The following RNLS variants were observed in gnomAD, a reference collection of about 807,000 sequenced individuals.
RNLS encodes the protein renalase, FAD dependent amine oxidase, also known as renalase.
RNLS carries 39 observed loss-of-function variants against 39.8 expected under a neutral mutation model. The ratio of observed to expected loss-of-function variants is 0.98; its 90% CI spans 0.76 to 1.28. The LOEUF (loss-of-function observed/expected upper bound fraction) is 1.28. RNLS is among the 50% of genes most tolerant of loss of function. The pLI, the probability that RNLS is intolerant of heterozygous loss-of-function variation, is 0.00. For synonymous variants in RNLS, 147 were observed against 150.7 expected (o/e 0.98, Z 0.18); for missense variants, 410 against 413.3 (o/e 0.99, Z 0.07).
At chr10:88,215,824 C>T in the RNLS span, among the ~76,000 whole-genome samples, 2 of 151,560 alleles carry the variant, frequency 1.3e-5, no homozygotes, top group Admixed American at 1.3e-4. Context: ...CTCAGCCTCC[C>T]GAGTAGCTGG....
chr10:88,460,640 C>A (rs921306176), intron 4 of RNLS, among the ~76,000 whole-genome samples: 3 of 152,142 alleles, frequency 2.0e-5, no homozygotes, highest in Admixed American at 6.6e-5. Flanking sequence ...TACTACAGTG[C>A]CTGGCATATA....
chr10:88,522,927 T>C (rs1846845978), intron 4 of RNLS, among the ~76,000 whole-genome samples: 1 of 152,128 alleles, frequency 6.6e-6, no homozygotes, highest in African/African-American at 2.4e-5. Flanking sequence ...CCACTGGTTT[T>C]TCCCCAAAGA....
chr10:88,511,441 C>A (rs1846119003), intron 4 of RNLS, among the ~76,000 whole-genome samples: 1 of 152,044 alleles, frequency 6.6e-6, no homozygotes, highest in South Asian at 2.1e-4. Flanking sequence ...TGTATAAGTT[C>A]AGTATGGTGC....
the RNLS span, among the ~76,000 whole-genome samples, chr10:88,171,580 A>G: frequency 2.4e-4 from 37 of 152,370 alleles, no homozygotes; most frequent in African/African-American, 8.4e-4. Flanking sequence ...TAGTTGACAC[A>G]TAATCATTGT....
intron 4 of RNLS, among the ~76,000 whole-genome samples, chr10:88,511,876 T>C (rs1846140495): frequency 6.6e-6 from 1 of 152,224 alleles, no homozygotes; most frequent in Non-Finnish European, 1.5e-5. Context: ...CTATTTTTTA[T>C]TGGCCATTAA....
chr10:88,405,319 A>G (rs1444054394), intron 4 of RNLS, among the ~76,000 whole-genome samples: 1 of 152,028 alleles, frequency 6.6e-6, no homozygotes, highest in Non-Finnish European at 1.5e-5. Flanking sequence ...CTGAACTATC[A>G]TAATTATCAA....
chr10:88,502,104 A>G lies in RNLS; in HGVS notation c.526+70799T>C, dbSNP rs936001795. Reference sequence around the variant, plus strand: ...AAATCCATACAAGATATATCAAATTAGGGTCCATCTATCACTGAAATCAGA... The same window carrying G: ...AAATCCATACAAGATATATCAAATTGGGGTCCATCTATCACTGAAATCAGA... On this transcript the variant is annotated intron_variant, in intron 4 of 6. Transcript: ENST00000331772. 3.3e-5 allele frequency among the ~76,000 whole-genome samples: 5 copies of G among 152,122 alleles called. No individual in the cohort carries two copies. In the East Asian group the frequency reaches 9.6e-4, roughly 29 times the overall value.
At chr10:88,283,027 G>A (rs1353558682), downstream of RNLS, among the ~76,000 whole-genome samples, 2 of 152,118 alleles carry the variant, frequency 1.3e-5, no homozygotes, top group Non-Finnish European at 2.9e-5. Context: ...GTGGCCCCGT[G>A]GGGCTAACAT....
At chr10:88,478,502 T>C (rs576844635) in intron 4 of RNLS, among the ~76,000 whole-genome samples, 12 of 152,152 alleles carry the variant, frequency 7.9e-5, no homozygotes, top group Non-Finnish European at 1.5e-4. Context: ...ACTCTGTTAT[T>C]AAAGATCCCT....
intron 5 of RNLS, among the ~76,000 whole-genome samples, chr10:88,319,131 T>C (rs1346487458): frequency 2.0e-5 from 3 of 151,958 alleles, no homozygotes; most frequent in African/African-American, 7.3e-5. Flanking sequence ...ACAAGCAGCA[T>C]CCGAGAAAGC....
At chr10:88,566,088 A>C (rs1849487084) in intron 4 of RNLS, among the ~76,000 whole-genome samples, 1 of 152,074 alleles carries the variant, frequency 6.6e-6, no homozygotes, top group Non-Finnish European at 1.5e-5. Flanking sequence ...TCTTATTTTT[A>C]AAGTTATGAT....
downstream of RNLS, among the ~76,000 whole-genome samples, chr10:88,279,716 C>T (rs1376879063): frequency 6.6e-6 from 1 of 152,174 alleles, no homozygotes; most frequent in Non-Finnish European, 1.5e-5. Flanking sequence ...GCATTCAGCA[C>T]ATATGGTTGC....
chr10:88,583,005 G>A, intron 1 of RNLS, 68 bp downstream of exon 1: 1 of 1,551,158 alleles, frequency 6.4e-7, no homozygotes, highest in South Asian at 1.2e-5. Flanking sequence ...TTGGGTGCAG[G>A]CCCACACCAC....
At chr10:88,316,034 G>T (rs1372666376) in intron 5 of RNLS, among the ~76,000 whole-genome samples, 1 of 152,114 alleles carries the variant, frequency 6.6e-6, no homozygotes, top group African/African-American at 2.4e-5. Context: ...AGGAACCCTG[G>T]TTTATGAATT....
At chr10:88,363,687 T>A (rs12219831) in intron 4 of RNLS, among the ~76,000 whole-genome samples, 16,032 of 152,128 alleles carry the variant, frequency 0.11, 1,048 homozygotes, top group East Asian at 0.36. Context: ...CTGTGTCAAC[T>A]TCTTCACAAA....
At chr10:88,565,714 A>G (rs943126097) in intron 4 of RNLS, among the ~76,000 whole-genome samples, 2 of 151,054 alleles carry the variant, frequency 1.3e-5, no homozygotes, top group African/African-American at 4.9e-5. Flanking sequence ...TCAGCATGAT[A>G]CATTTTTTTA....
chr10:88,284,134 A>G lies in RNLS; in HGVS notation c.*1220T>C. 1.0e-5 allele frequency: 10 copies of G among 985,128 alleles called. No individual in the cohort carries two copies. Among genetic ancestry groups the G allele is most frequent in the Non-Finnish European group, 1.2e-5 (10 of 829,682 alleles). The allele number at this position is 985,128 out of a possible 1,614,324, so 61.0% of individuals were successfully genotyped here. A position where few individuals can be genotyped will look rare whatever the true frequency, so the allele number is the denominator to read the frequency against. ...TTAAGTTTTTCACCAATTTATTGCTAAGAGGAAACATATAATAATATGCTA... is the reference window on the plus strand; with the variant it reads ...TTAAGTTTTTCACCAATTTATTGCTGAGAGGAAACATATAATAATATGCTA... On this transcript the variant is annotated 3_prime_UTR_variant, in exon 7 of 7. Coordinates refer to ENST00000331772, the MANE Select transcript of RNLS (RefSeq NM_001031709.3).
the RNLS span, among the ~76,000 whole-genome samples, chr10:88,254,197 T>C: frequency 6.6e-6 from 1 of 152,186 alleles, no homozygotes; most frequent in Non-Finnish European, 1.5e-5. Context: ...CATATCCAGC[T>C]GCCCTCCCTC....
chr10:88,546,246 T>C (rs1848306155), intron 4 of RNLS, among the ~76,000 whole-genome samples: 1 of 152,068 alleles, frequency 6.6e-6, no homozygotes, highest in African/African-American at 2.4e-5. Context: ...TATAAATATA[T>C]ATAGCTCCAT....
Sources: allele counts gnomAD v4.1 joint callset (sites outside exome capture counted in the v4.1 genomes callset), GRCh38; gene constraint gnomAD v4.1.1; transcripts MANE v1.5; gene names NCBI Gene and HGNC (gene_info 2026-07-23, HGNC 2026-07-21).